The following FKBP5 variants were observed in gnomAD, a reference collection of about 807,000 sequenced individuals.
The protein encoded by FKBP5 is peptidyl-prolyl cis-trans isomerase FKBP5.
In FKBP5, 23 loss-of-function variants were observed where a neutral mutation model predicts 50.5. That is an observed-to-expected ratio of 0.46 (90% confidence interval 0.33 to 0.65). FKBP5 has a LOEUF of 0.65. Ranked by LOEUF, FKBP5 falls within the 30% of genes least tolerant of loss-of-function variation. FKBP5 has a pLI of 0.02. For synonymous variants in FKBP5, 176 were observed against 190.6 expected, an observed-to-expected ratio of 0.92 and a Z score of 0.63; for missense variants, 411 against 553.1, an observed-to-expected ratio of 0.74 and a Z score of 2.58.
intron 1 of FKBP5, among the ~76,000 whole-genome samples, chr6:35,645,722 C>T (rs947134906): frequency 6.6e-6 from 1 of 152,234 alleles, no homozygotes; most frequent in African/African-American, 2.4e-5. Context: ...GTCATGATAT[C>T]TGCCACTTGC....
chr6:35,655,809 T>C (rs1018725608), intron 1 of FKBP5, among the ~76,000 whole-genome samples: 2 of 152,202 alleles, frequency 1.3e-5, no homozygotes, highest in African/African-American at 2.4e-5. Flanking sequence ...AAAAATAAAA[T>C]TCTGTTCTAA....
At chr6:35,581,549 C>T (rs1762431348) in intron 8 of FKBP5, 1 of 981,590 alleles carries the variant, frequency 1.0e-6, no homozygotes. Flanking sequence ...AAGATCATGC[C>T]ACTGCACTCC....
intron 1 of FKBP5, among the ~76,000 whole-genome samples, chr6:35,724,864 C>T (rs771551192): frequency 3.9e-5 from 6 of 152,178 alleles, no homozygotes; most frequent in East Asian, 3.9e-4. Context: ...CTGTCAAAGA[C>T]GGCTAACAAT....
chr6:35,701,236 T>TTTG (rs1766179002), intron 2 of FKBP5, among the ~76,000 whole-genome samples: 1 of 149,458 alleles, frequency 6.7e-6, no homozygotes, highest in African/African-American at 2.4e-5. Flanking sequence ...TGTTTTTGTT[T>TTTG]TTTGTTTTTT....
At chr6:35,637,334 C>T (rs1177053616) in intron 2 of FKBP5, among the ~76,000 whole-genome samples, 176 bp from the exon 3 acceptor site, 4 of 152,084 alleles carry the variant, frequency 2.6e-5, no homozygotes, top group African/African-American at 9.7e-5. Flanking sequence ...GAAAACTGTC[C>T]TTTACCAACT....
At position 35,637,092 on chromosome 6, in the gene FKBP5, T is replaced by C. The variant is rs201791897; in HGVS notation, c.172A>G (p.Lys58Glu). ...TTCTTTCCATTTGACAATTTTCCTT[T>C]GTAATGGACATAAACTTTGTCTCCA... ...MIGDKVYVHY[K>E]GKLSNGKKFD... Residue 58 changes from lysine to glutamate, a missense_variant, in exon 3 of 11, where the codon AAA (lysine) becomes GAA (glutamate). Lys to Glu is a moderately conservative substitution (Grantham distance 56, BLOSUM62 1). This residue lies in a region of FKBP5 where 267 missense variants were observed against 405.9 expected (regional missense o/e 0.66). Transcript: ENST00000357266. The C allele has an allele frequency of 6.2e-7, 1 of 1,611,574 alleles. No individual in the cohort carries two copies. The highest frequency in any genetic ancestry group is 1.3e-5 in the African/African-American group (1 of 74,910).
intron 5 of FKBP5, among the ~76,000 whole-genome samples, chr6:35,599,925 G>A (rs558987889): frequency 6.6e-6 from 1 of 152,138 alleles, no homozygotes; most frequent in African/African-American, 2.4e-5. Flanking sequence ...TGAGAGATGT[G>A]TCATCAGGTA....
intron 6 of FKBP5, among the ~76,000 whole-genome samples, chr6:35,594,095 T>G (rs919924515): frequency 1.3e-5 from 2 of 152,068 alleles, no homozygotes; most frequent in African/African-American, 4.8e-5. Context: ...GGCTCACACC[T>G]GTAATCCCAA....
chr6:35,671,926 T>C (rs1275804779), intron 1 of FKBP5, among the ~76,000 whole-genome samples: 9 of 151,998 alleles, frequency 5.9e-5, no homozygotes, highest in Non-Finnish European at 1.0e-4. Flanking sequence ...TGGAGTGCAG[T>C]GGCGCGATCT....
chr6:35,723,791 G>C (rs1425547630), intron 1 of FKBP5, among the ~76,000 whole-genome samples: 1 of 152,210 alleles, frequency 6.6e-6, no homozygotes, highest in South Asian at 2.1e-4. Context: ...AGGCTGGCAC[G>C]GGCAGTGTGG....
chr6:35,715,427 T>G (rs1284288326), intron 2 of FKBP5, among the ~76,000 whole-genome samples: 1 of 152,206 alleles, frequency 6.6e-6, no homozygotes, highest in Non-Finnish European at 1.5e-5. Flanking sequence ...TATATGCTTG[T>G]TTATATATAT....
chr6:35,575,727 CAT>C lies in FKBP5; in HGVS notation c.*106_*107del. Reference sequence around the variant, plus strand: ...GTTTTGCCATTTGCTTCCAGAATCACATAGACTATAACAAACTTTACATTAAA... The same window carrying C: ...GTTTTGCCATTTGCTTCCAGAATCACAGACTATAACAAACTTTACATTAAA... On this transcript the variant is annotated 3_prime_UTR_variant, in exon 11 of 11. Coordinates refer to ENST00000357266, the MANE Select transcript of FKBP5 (RefSeq NM_004117.4). 1.2e-6 allele frequency: 1 copy of C among 820,350 alleles called. No individual in the cohort carries two copies. The highest frequency in any genetic ancestry group is 2.0e-5 in the Admixed American group (1 of 51,146). 50.8% of individuals were successfully genotyped at this position (820,350 alleles called of 1,614,324 possible).
At chr6:35,692,404 T>G (rs893062984), upstream of FKBP5, among the ~76,000 whole-genome samples, 1 of 152,240 alleles carries the variant, frequency 6.6e-6, no homozygotes. Flanking sequence ...GAGCTTGTAC[T>G]TGAACTCAGC....
At chr6:35,697,793 T>C (rs988103078) in intron 2 of FKBP5, among the ~76,000 whole-genome samples, 4 of 152,204 alleles carry the variant, frequency 2.6e-5, no homozygotes, top group Non-Finnish European at 5.9e-5. Flanking sequence ...GAAATTATTA[T>C]AAAGTTGACC....
At chr6:35,587,873 A>C (rs1762653157) in intron 7 of FKBP5, among the ~76,000 whole-genome samples, 1 of 152,234 alleles carries the variant, frequency 6.6e-6, no homozygotes, top group African/African-American at 2.4e-5. Flanking sequence ...GGGAGCCTTT[A>C]GGAAAAGTGA....
chr6:35,608,197 G>A (rs537621119), intron 5 of FKBP5, among the ~76,000 whole-genome samples: 38 of 152,132 alleles, frequency 2.5e-4, no homozygotes, highest in Admixed American at 2.2e-3. Flanking sequence ...ATAAAGATGA[G>A]GACAAGAGAC....
intron 1 of FKBP5, among the ~76,000 whole-genome samples, chr6:35,727,200 C>A (rs746147919): frequency 6.6e-6 from 1 of 152,200 alleles, no homozygotes; most frequent in Non-Finnish European, 1.5e-5. Context: ...TGGTGACATT[C>A]TTTAGCAGGA....
chr6:35,708,340 C>CAG (rs1766358429), intron 2 of FKBP5, among the ~76,000 whole-genome samples: 1 of 152,102 alleles, frequency 6.6e-6, no homozygotes, highest in African/African-American at 2.4e-5. Flanking sequence ...TTGCAACCTC[C>CAG]ACCTCTCAGG....
At chr6:35,577,563 A>G (rs765859275) in intron 9 of FKBP5, among the ~76,000 whole-genome samples, 11 of 152,262 alleles carry the variant, frequency 7.2e-5, no homozygotes, top group Admixed American at 1.3e-4. Context: ...AGAAAAAGAC[A>G]AACTTTAAAA....
Sources: allele counts gnomAD v4.1 joint callset (sites outside exome capture counted in the v4.1 genomes callset), GRCh38; gene constraint gnomAD v4.1.1; regional missense constraint gnomAD v4.1.1; transcripts MANE v1.5; gene names NCBI Gene and HGNC (gene_info 2026-07-23, HGNC 2026-07-21).